Variants in MFSD2A observed in about 807,000 individuals in gnomAD.
MFSD2A encodes sodium-dependent lysophosphatidylcholine symporter 1.
Under a neutral mutation model 64.7 loss-of-function variants are expected in MFSD2A, and 27 were observed. The ratio of observed to expected loss-of-function variants is 0.42; its 90% CI spans 0.31 to 0.58. The LOEUF (loss-of-function observed/expected upper bound fraction) is 0.58. MFSD2A is among the 20% of genes least tolerant of loss of function. The pLI is 0.18. For synonymous variants in MFSD2A, 258 were observed against 273.4 expected (o/e 0.94, Z 0.55); for missense variants, 474 against 679.5 (o/e 0.70, Z 3.36).
rs776179130 is a variant in MFSD2A, at chr1:39,963,691, G to A, written c.354-1520G>A. On this transcript the variant is annotated intron_variant, in intron 3 of 13. Transcript: ENST00000372811. This position sits in a 1 kb window ranked among gnomAD's most constrained non-coding sequence, Gnocchi z 4.2. Reference sequence around the variant, plus strand: ...TCGGTTCTCTAATATTTCTTTTTTGGGCAGTGCAGTTTTAACATTCCACAT... The same window carrying A: ...TCGGTTCTCTAATATTTCTTTTTTGAGCAGTGCAGTTTTAACATTCCACAT... 7.9e-5 allele frequency among the ~76,000 whole-genome samples: 12 copies of A among 151,990 alleles called. No homozygotes were observed. The highest frequency in any genetic ancestry group is 1.0e-4 in the Non-Finnish European group (7 of 68,000).
Position 39,955,226 on chromosome 1 carries a change from G to A in MFSD2A, c.-67G>A. The A allele has an allele frequency of 7.8e-7, 1 of 1,280,352 alleles. No homozygotes were observed. Among genetic ancestry groups the A allele is most frequent in the South Asian group, 2.2e-5 (1 of 45,892 alleles). 79.3% of individuals were successfully genotyped at this position (1,280,352 alleles called of 1,614,324 possible). A position where few individuals can be genotyped will look rare whatever the true frequency, so the allele number is the denominator to read the frequency against. On this transcript the variant is annotated 5_prime_UTR_variant, in exon 1 of 14. Coordinates refer to ENST00000372811, the MANE Select transcript of MFSD2A (RefSeq NM_032793.5). The surrounding 1 kb of genome is among the most constrained non-coding windows in gnomAD (Gnocchi z 5.9). Reference sequence around the variant, plus strand: ...GGCTGCTACGAAGCGAGCTTGGGAGGAGCAGCGGCCTGCGGGGCAGAGGAG... The same window carrying A: ...GGCTGCTACGAAGCGAGCTTGGGAGAAGCAGCGGCCTGCGGGGCAGAGGAG...
intron 9 of MFSD2A, 145 bp from the exon 10 acceptor site, chr1:39,967,483 G>A (rs1645188817): frequency 2.6e-6 from 2 of 763,830 alleles, no homozygotes; most frequent in African/African-American, 3.4e-5. Flanking sequence ...GCCGTCAAAG[G>A]TGCCTGTCAT....
chr1:39,957,296 G>T (rs1029217208), intron 2 of MFSD2A, 75 bp downstream of exon 2: 6 of 1,426,912 alleles, frequency 4.2e-6, no homozygotes, highest in Non-Finnish European at 5.6e-6. Context: ...GGGTCAGTTC[G>T]CTCAGTTTTC....
chr1:39,967,339 GAA>G (rs1645185854), intron 9 of MFSD2A, 170 bp downstream of exon 9: 1 of 653,854 alleles, frequency 1.5e-6, no homozygotes. Context: ...GACTGTGAAA[GAA>G]AGAGTTTGAG....
chr1:39,956,328 C>T (rs1201031493), intron 1 of MFSD2A, among the ~76,000 whole-genome samples: 3 of 152,194 alleles, frequency 2.0e-5, no homozygotes, highest in Admixed American at 6.5e-5. Context: ...GGAACAGCTG[C>T]GCCTGCAGCC....
At position 39,964,761 on chromosome 1, in the gene MFSD2A, GGTGT is replaced by G. The variant is rs60645502; in HGVS notation, c.354-438_354-435del. On this transcript the variant is annotated intron_variant, in intron 3 of 13. Coordinates refer to ENST00000372811, the MANE Select transcript of MFSD2A (RefSeq NM_032793.5). This position sits in a 1 kb window ranked among gnomAD's most constrained non-coding sequence, Gnocchi z 4.1. Reference sequence around the variant, plus strand: ...GTGTGAATGAGGTGTGTGTGAATGGGGTGTGTGTGTGTGTGAATGAGGTGTGTGT... The same window carrying G: ...GTGTGAATGAGGTGTGTGTGAATGGGGTGTGTGTGTGAATGAGGTGTGTGT... 21 of 173,554 alleles carry G rather than the reference GGTGT, an allele frequency of 1.2e-4. 1 individual carries two copies. The highest frequency in any genetic ancestry group is 2.6e-3 in the Middle Eastern group (1 of 382). The allele number at this position is 173,554 out of a possible 1,614,324, so 10.8% of individuals were successfully genotyped here.
intron 9 of MFSD2A, 60 bp from the exon 10 acceptor site, chr1:39,967,568 G>C: frequency 6.7e-7 from 1 of 1,501,092 alleles, no homozygotes. Context: ...TTCTGGGAAG[G>C]GCAGGAGGGG....
At chr1:39,956,494 G>A (rs901262691) in intron 1 of MFSD2A, among the ~76,000 whole-genome samples, 1 of 152,200 alleles carries the variant, frequency 6.6e-6, no homozygotes, top group East Asian at 1.9e-4. Context: ...GGTGGGGACA[G>A]GTCGGCTGCT....
Position 39,955,694 on chromosome 1 carries a change from G to GC in MFSD2A, c.93+313dup, listed in dbSNP as rs916061936. 8.3e-6 allele frequency: 5 copies of GC among 602,692 alleles called. No homozygotes were observed. The highest frequency in any genetic ancestry group is 1.6e-5 in the Non-Finnish European group (5 of 321,618). The allele number at this position is 602,692 out of a possible 1,614,324, so 37.3% of individuals were successfully genotyped here. A position where few individuals can be genotyped will look rare whatever the true frequency, so the allele number is the denominator to read the frequency against. On this transcript the variant is annotated intron_variant, in intron 1 of 13. Coordinates refer to ENST00000372811, the MANE Select transcript of MFSD2A (RefSeq NM_032793.5). This position sits in a 1 kb window ranked among gnomAD's most constrained non-coding sequence, Gnocchi z 5.9. ...CCGTGTTGAGCGGCTGGGGCTTGCC[G>GC]CCCCAAACCCCAGAGATGACCCCAG...
chr1:39,962,062 C>A (rs999055735), intron 3 of MFSD2A, among the ~76,000 whole-genome samples: 6 of 152,240 alleles, frequency 3.9e-5, no homozygotes, highest in African/African-American at 1.4e-4. Flanking sequence ...ATTTTAGTAT[C>A]AACCAAGTCT....
chr1:39,964,781 A>AGGTGTGTGTGTGAATGG lies in MFSD2A; in HGVS notation c.354-400_354-384dup, dbSNP rs915044654. The AGGTGTGTGTGTGAATGG allele has an allele frequency of 0.018, 3,390 of 183,926 alleles. 143 individuals carry two copies. Among genetic ancestry groups the AGGTGTGTGTGTGAATGG allele is most frequent in the African/African-American group, 0.085 (3,210 of 37,932 alleles). The allele number at this position is 183,926 out of a possible 1,614,324, so 11.4% of individuals were successfully genotyped here. Reference sequence around the variant, plus strand: ...AATGGGGTGTGTGTGTGTGTGAATGAGGTGTGTGTGTGAATGGGGTGTGTG... The same window carrying AGGTGTGTGTGTGAATGG: ...AATGGGGTGTGTGTGTGTGTGAATGAGGTGTGTGTGTGAATGGGGTGTGTGTGTGAATGGGGTGTGTG... On this transcript the variant is annotated intron_variant, in intron 3 of 13. Coordinates refer to ENST00000372811, the MANE Select transcript of MFSD2A (RefSeq NM_032793.5). This position sits in a 1 kb window ranked among gnomAD's most constrained non-coding sequence, Gnocchi z 4.1.
chr1:39,955,278 C>T lies in MFSD2A; in HGVS notation c.-15C>T, dbSNP rs1363339419. On this transcript the variant is annotated 5_prime_UTR_variant, in exon 1 of 14. Transcript: ENST00000372811. The surrounding 1 kb of genome is among the most constrained non-coding windows in gnomAD (Gnocchi z 5.9). ...ATCCCGTCTACCAGGTCCCAAGCGG[C>T]GTGGCCCGCGGGTCATGGCCAAAGG... 7 of 1,407,552 alleles carry T rather than the reference C, an allele frequency of 5.0e-6. No individual in the cohort carries two copies. Among genetic ancestry groups the T allele is most frequent in the Non-Finnish European group, 6.5e-6 (7 of 1,078,972 alleles). 87.2% of individuals were successfully genotyped at this position (1,407,552 alleles called of 1,614,324 possible). A position where few individuals can be genotyped will look rare whatever the true frequency, so the allele number is the denominator to read the frequency against.
In MFSD2A at chr1:39,960,918, T is replaced by G. The variant is rs760242765; in HGVS notation, c.353+2093T>G. 6.6e-6 allele frequency among the ~76,000 whole-genome samples: 1 copy of G among 152,208 alleles called. No homozygotes were observed. The highest frequency in any genetic ancestry group is 6.5e-5 in the Admixed American group (1 of 15,286). The stretch of plus-strand genomic sequence containing the variant: ...TTCTGTGGCTGGTGGTGCCTGTGTA[T>G]GCCTGCACGCGGGATGGCTCGTGGG... On this transcript the variant is annotated intron_variant, in intron 3 of 13. Transcript: ENST00000372811. The surrounding 1 kb of genome is among the most constrained non-coding windows in gnomAD (Gnocchi z 4.8).
chr1:39,959,379 C>T (rs1472195203), intron 3 of MFSD2A, among the ~76,000 whole-genome samples: 2 of 151,752 alleles, frequency 1.3e-5, no homozygotes, highest in Non-Finnish European at 2.9e-5. Context: ...TCTCGAGTAG[C>T]TGCGACTACA....
In MFSD2A at chr1:39,965,980, A is replaced by G. The variant is rs1296362458; in HGVS notation, c.680A>G (p.Asn227Ser). ...TCTACAGTAGCTTCACAAAGTGCCA[A>G]CCATACACATGGCACCACCTCACAC... ...NSSTVASQSA[N>S]HTHGTTSHRE... The change falls in exon 6 of 14, where the codon AAC becomes AGC. Residue 227 changes from asparagine to serine, a missense_variant. Transcript: ENST00000372811. The surrounding 1 kb of genome is among the most constrained non-coding windows in gnomAD (Gnocchi z 5.5). 15 of 1,614,196 alleles carry G rather than the reference A, an allele frequency of 9.3e-6. No individual in the cohort carries two copies. The South Asian group carries it at 9.9e-5, about 11-fold the overall frequency.
intron 3 of MFSD2A, among the ~76,000 whole-genome samples, chr1:39,961,622 C>G (rs1240855061): frequency 3.9e-5 from 6 of 152,190 alleles, no homozygotes. Context: ...GCTGGGATTA[C>G]AGGCGTGAGC....
intron 9 of MFSD2A, 187 bp downstream of exon 9, chr1:39,967,356 G>A (rs1645186230): frequency 9.3e-6 from 6 of 643,608 alleles, no homozygotes; most frequent in Non-Finnish European, 1.6e-5. Flanking sequence ...TTTGAGGTTA[G>A]ATGTTTGAGT....
At chr1:39,962,665 G>A (rs557876348) in intron 3 of MFSD2A, 33 of 785,034 alleles carry the variant, frequency 4.2e-5, no homozygotes, top group African/African-American at 1.7e-4. Context: ...GGTCATGGCC[G>A]TGGACGGGGC....
chr1:39,962,866 T>C (rs1645075111), intron 3 of MFSD2A: 1 of 1,569,140 alleles, frequency 6.4e-7, no homozygotes, highest in South Asian at 1.1e-5. Flanking sequence ...GATGAGGTTT[T>C]GAAGATTATG....
Sources: gnomAD v4.1 joint callset for allele counts (sites outside exome capture counted in the v4.1 genomes callset) on GRCh38, gnomAD v4.1.1 for gene constraint, Gnocchi (gnomAD v3.1) non-coding constraint, MANE v1.5 for transcripts, NCBI Gene and HGNC (gene_info 2026-07-23, HGNC 2026-07-21) for gene names.